The following CSMD1 variants were observed in gnomAD, a reference collection of about 807,000 sequenced individuals.
CSMD1 encodes the protein CUB and Sushi multiple domains 1, also known as CUB and sushi domain-containing protein 1.
Under a neutral mutation model 417.5 loss-of-function variants are expected in CSMD1, and 213 were observed. The ratio of observed to expected loss-of-function variants is 0.51; its 90% CI spans 0.46 to 0.57. The LOEUF is 0.57. CSMD1 is among the 20% of genes least tolerant of loss of function. The pLI, the probability that CSMD1 is intolerant of heterozygous loss-of-function variation, is 0.00. For synonymous variants in CSMD1, 2,862 were observed against 1,736.8 expected (o/e 1.65, Z -16.11); for missense variants, 6,923 against 4,529.7 (o/e 1.53, Z -15.17).
At chr8:3,277,797 A>T (rs552559189) in intron 26 of CSMD1, among the ~76,000 whole-genome samples, 11 of 152,204 alleles carry the variant, frequency 7.2e-5, no homozygotes, top group Non-Finnish European at 1.6e-4. Flanking sequence ...AGAATTGGAC[A>T]TTTATTAACT....
chr8:4,595,660 G>C (rs1011797558), intron 2 of CSMD1, among the ~76,000 whole-genome samples: 1 of 152,068 alleles, frequency 6.6e-6, no homozygotes, highest in Non-Finnish European at 1.5e-5. Context: ...CCAGCTACTG[G>C]GGAGGCTGAG....
chr8:3,962,944 G>T (rs974371970), intron 5 of CSMD1, among the ~76,000 whole-genome samples: 1 of 151,864 alleles, frequency 6.6e-6, no homozygotes, highest in African/African-American at 2.4e-5. Context: ...TTTTTGTTTC[G>T]TTTTGTTTTT....
chr8:4,802,437 G>A (rs570905588), intron 1 of CSMD1, among the ~76,000 whole-genome samples: 1 of 152,158 alleles, frequency 6.6e-6, no homozygotes, highest in East Asian at 1.9e-4. Flanking sequence ...CCTTTATCAT[G>A]TGTGCCATCT....
In CSMD1 at chr8:4,284,195, C is replaced by G. The variant is rs557084112; in HGVS notation, c.415+135758G>C. ...CTAGGCTGGCCAACATGGTGAAACC[C>G]TATCTCTACTAAAAATACAAAAATT... On this transcript the variant is annotated intron_variant, in intron 3 of 69. Coordinates refer to ENST00000635120, the MANE Select transcript of CSMD1 (RefSeq NM_033225.6). Among the ~76,000 whole-genome samples, 4 of 152,126 alleles carry G rather than the reference C, an allele frequency of 2.6e-5. No homozygotes were observed. The South Asian group carries it at 8.3e-4, about 32-fold the overall frequency.
At chr8:4,192,370 T>C (rs1181188756) in intron 3 of CSMD1, among the ~76,000 whole-genome samples, 1 of 152,148 alleles carries the variant, frequency 6.6e-6, no homozygotes, top group Non-Finnish European at 1.5e-5. Flanking sequence ...TCTTAGAGAC[T>C]CTTTCTCTTG....
At chr8:3,831,786 G>C (rs1017240909) in intron 5 of CSMD1, among the ~76,000 whole-genome samples, 4 of 152,110 alleles carry the variant, frequency 2.6e-5, no homozygotes, top group Non-Finnish European at 4.4e-5. Context: ...GGATATTTTT[G>C]CTCACACGCG....
intron 3 of CSMD1, among the ~76,000 whole-genome samples, chr8:4,079,195 T>A (rs144860382): frequency 9.9e-5 from 15 of 152,204 alleles, no homozygotes; most frequent in Admixed American, 7.2e-4. Flanking sequence ...TGTTTTAGTC[T>A]ATAGAGACAT....
chr8:4,720,418 T>G (rs879159906), intron 1 of CSMD1, among the ~76,000 whole-genome samples: 9 of 152,080 alleles, frequency 5.9e-5, no homozygotes, highest in Admixed American at 3.3e-4. Context: ...CTCATTTGAA[T>G]AATTTTTTTT....
At chr8:3,508,301 G>A (rs544592670) in intron 10 of CSMD1, among the ~76,000 whole-genome samples, 2 of 151,522 alleles carry the variant, frequency 1.3e-5, no homozygotes, top group South Asian at 2.1e-4. Context: ...CCTCCCCCAG[G>A]GCAGGTGAGA....
At chr8:4,256,229 C>G (rs1373832122) in intron 3 of CSMD1, among the ~76,000 whole-genome samples, 2 of 152,176 alleles carry the variant, frequency 1.3e-5, no homozygotes, top group Non-Finnish European at 2.9e-5. Flanking sequence ...CATTTGTGCT[C>G]AAACCAACCT....
chr8:4,122,560 C>G (rs1802545627), intron 3 of CSMD1, among the ~76,000 whole-genome samples: 1 of 152,274 alleles, frequency 6.6e-6, no homozygotes, highest in South Asian at 2.1e-4. Context: ...CCGTGCTTTC[C>G]CAATGTTTGG....
At chr8:4,356,573 C>T (rs1199702870) in intron 3 of CSMD1, among the ~76,000 whole-genome samples, 1 of 152,116 alleles carries the variant, frequency 6.6e-6, no homozygotes, top group Non-Finnish European at 1.5e-5. Context: ...ATGTCTGTTT[C>T]AGTCCATTTT....
intron 5 of CSMD1, among the ~76,000 whole-genome samples, chr8:3,912,514 A>C (rs1808529522): frequency 6.6e-6 from 1 of 152,142 alleles, no homozygotes; most frequent in African/African-American, 2.4e-5. Context: ...CATACAATGG[A>C]AATACATAAC....
chr8:3,526,248 A>C (rs932309895), intron 10 of CSMD1, among the ~76,000 whole-genome samples: 3 of 152,168 alleles, frequency 2.0e-5, no homozygotes, highest in African/African-American at 7.2e-5. Flanking sequence ...ATAGAATATA[A>C]ATTGTCTTAA....
intron 5 of CSMD1, among the ~76,000 whole-genome samples, chr8:3,988,325 C>G (rs954388780): frequency 3.3e-5 from 5 of 152,194 alleles, no homozygotes; most frequent in African/African-American, 1.2e-4. Context: ...GAGCTTGCAT[C>G]AAATTCTGAA....
rs574189986 is a variant in CSMD1 at position 4,402,703 on chromosome 8, A to G, written c.415+17250T>C. ...CATGGAGAAAATAGAAGCAATGTGA[A>G]AACAGCCGTCATATCCTTCTCTCAC... On this transcript the variant is annotated intron_variant, in intron 3 of 69. Coordinates refer to ENST00000635120, the MANE Select transcript of CSMD1 (RefSeq NM_033225.6). Among the ~76,000 whole-genome samples, 16 of 152,230 alleles carry G rather than the reference A, an allele frequency of 1.1e-4. No individual in the cohort carries two copies. The East Asian group carries it at 2.9e-3, about 28-fold the overall frequency.
chr8:3,464,136 G>C (rs1025236678), intron 12 of CSMD1, among the ~76,000 whole-genome samples: 4 of 152,130 alleles, frequency 2.6e-5, no homozygotes, highest in Non-Finnish European at 5.9e-5. Flanking sequence ...AATGTAAATA[G>C]CTACGGCAAA....
At chr8:3,232,844 A>G (rs1798921057) in intron 26 of CSMD1, among the ~76,000 whole-genome samples, 1 of 151,898 alleles carries the variant, frequency 6.6e-6, no homozygotes, top group Non-Finnish European at 1.5e-5. Context: ...CTTTCTAGAA[A>G]TTTCAGTATG....
chr8:4,622,632 G>A (rs61565678), intron 2 of CSMD1, among the ~76,000 whole-genome samples: 2 of 152,146 alleles, frequency 1.3e-5, no homozygotes, highest in Non-Finnish European at 2.9e-5. Context: ...AGAAGAGCAG[G>A]TTTGGAAATG....
Sources: allele counts gnomAD v4.1 joint callset (sites outside exome capture counted in the v4.1 genomes callset), GRCh38; gene constraint gnomAD v4.1.1; transcripts MANE v1.5; gene names NCBI Gene and HGNC (gene_info 2026-07-23, HGNC 2026-07-21).